Variants in ADD3 observed in about 807,000 individuals in gnomAD.
ADD3 encodes the protein adducin 3, also known as gamma-adducin.
A neutral mutation model predicts 80.2 loss-of-function variants in ADD3; 25 were observed. The observed-to-expected ratio is 0.31, with a 90% CI of 0.23 to 0.44. The LOEUF (loss-of-function observed/expected upper bound fraction) is 0.44. Among genes scored for constraint, ADD3 ranks in the 20% least tolerant of loss-of-function variants. ADD3 has a pLI of 1.00. For synonymous variants in ADD3, 284 were observed against 289.6 expected, an observed-to-expected ratio of 0.98 and a Z score of 0.20; for missense variants, 829 against 847.5, an observed-to-expected ratio of 0.98 and a Z score of 0.27.
At chr10:110,103,693 C>G (rs1460215699) in intron 2 of ADD3, among the ~76,000 whole-genome samples, 1 of 152,132 alleles carries the variant, frequency 6.6e-6, no homozygotes, top group Non-Finnish European at 1.5e-5. Flanking sequence ...ATTGTCCACT[C>G]TCTGGTTACT....
At chr10:110,124,390 G>C (rs1481146979) in intron 10 of ADD3, 116 bp downstream of exon 10, 1 of 1,221,024 alleles carries the variant, frequency 8.2e-7, no homozygotes, top group Non-Finnish European at 1.1e-6. Context: ...AAATATTACT[G>C]TCACTTATCT....
intron 1 of ADD3, among the ~76,000 whole-genome samples, chr10:110,045,667 CATT>C (rs1856834037): frequency 6.6e-6 from 1 of 152,168 alleles, no homozygotes; most frequent in African/African-American, 2.4e-5. Context: ...CTACTTCTAT[CATT>C]TACCACCATA....
At chr10:110,040,184 T>C (rs965418351) in intron 1 of ADD3, among the ~76,000 whole-genome samples, 23 of 143,274 alleles carry the variant, frequency 1.6e-4, no homozygotes, top group African/African-American at 6.1e-4. Flanking sequence ...TTATTATTAT[T>C]TTTTTTTTTC....
chr10:110,045,079 G>A (rs937692340), intron 1 of ADD3, among the ~76,000 whole-genome samples: 1 of 152,240 alleles, frequency 6.6e-6, no homozygotes, highest in Admixed American at 6.5e-5. Context: ...ACCTGGCTGG[G>A]CGTGGTGGCT....
chr10:110,029,996 A>G (rs141601119), intron 1 of ADD3, among the ~76,000 whole-genome samples: 1 of 152,170 alleles, frequency 6.6e-6, no homozygotes, highest in East Asian at 1.9e-4. Flanking sequence ...AATTTTGATG[A>G]TAGCTGACCT....
At chr10:110,013,172 G>A (rs751129853) in intron 1 of ADD3, among the ~76,000 whole-genome samples, 6 of 152,012 alleles carry the variant, frequency 3.9e-5, no homozygotes, top group Non-Finnish European at 7.4e-5. Flanking sequence ...GTGTGACCTC[G>A]GCACACTGCA....
chr10:110,102,420 G>A (rs1848922911), intron 2 of ADD3, among the ~76,000 whole-genome samples: 1 of 152,064 alleles, frequency 6.6e-6, no homozygotes, highest in African/African-American at 2.4e-5. Flanking sequence ...ACGAGCCTGG[G>A]CAACATAGTG....
intron 1 of ADD3, among the ~76,000 whole-genome samples, chr10:110,066,774 T>C (rs1844008968): frequency 6.6e-6 from 1 of 152,234 alleles, no homozygotes; most frequent in Non-Finnish European, 1.5e-5. Context: ...TTGTAAATTT[T>C]AAGCAGCTTA....
At chr10:110,048,310 A>T (rs111963370) in intron 1 of ADD3, among the ~76,000 whole-genome samples, 12,458 of 152,214 alleles carry the variant, frequency 0.082, 1,640 homozygotes, top group African/African-American at 0.28. Context: ...CTTTATCAGC[A>T]GCATGAAAAT....
At chr10:110,010,354 A>G (rs1288493365) in intron 1 of ADD3, among the ~76,000 whole-genome samples, 6 of 152,240 alleles carry the variant, frequency 3.9e-5, no homozygotes, top group Non-Finnish European at 7.3e-5. Flanking sequence ...GCATGTATGC[A>G]TGTCATCAGA....
chr10:110,038,372 G>T (rs551043088), intron 1 of ADD3, among the ~76,000 whole-genome samples: 1 of 152,336 alleles, frequency 6.6e-6, no homozygotes, highest in South Asian at 2.1e-4. Flanking sequence ...TAAGGAAGGA[G>T]AGACCTTGGA....
intron 1 of ADD3, among the ~76,000 whole-genome samples, chr10:110,060,018 G>C (rs1358653781): frequency 6.6e-6 from 1 of 152,180 alleles, no homozygotes; most frequent in East Asian, 1.9e-4. Context: ...ACACAGGCTT[G>C]GTCAAAGGGT....
intron 1 of ADD3, among the ~76,000 whole-genome samples, chr10:110,067,799 G>GT (rs1287746350): frequency 1.3e-5 from 2 of 152,222 alleles, no homozygotes; most frequent in Non-Finnish European, 2.9e-5. Context: ...AAGGTTCTCA[G>GT]TTTTTCATTT....
chr10:110,074,687 A>G (rs1337697082), intron 1 of ADD3, among the ~76,000 whole-genome samples: 1 of 152,068 alleles, frequency 6.6e-6, no homozygotes, highest in African/African-American at 2.4e-5. Flanking sequence ...ATCGCAAGTC[A>G]TTTTATGTAC....
At chr10:110,032,148 A>G (rs1391584058) in intron 1 of ADD3, among the ~76,000 whole-genome samples, 1 of 152,222 alleles carries the variant, frequency 6.6e-6, no homozygotes, top group African/African-American at 2.4e-5. Context: ...AGAGATTTTT[A>G]TAGACAAAGA....
chr10:110,102,987 A>C (rs981766074), intron 2 of ADD3, among the ~76,000 whole-genome samples: 3 of 152,222 alleles, frequency 2.0e-5, no homozygotes, highest in African/African-American at 7.2e-5. Context: ...TTCCCTATTC[A>C]CTTAACGAGA....
At chr10:110,004,058 C>T (rs1198463953), upstream of ADD3, among the ~76,000 whole-genome samples, 6 of 151,732 alleles carry the variant, frequency 4.0e-5, no homozygotes, top group Non-Finnish European at 7.4e-5. Context: ...ATTCAATTTG[C>T]GGGGAGGGGA....
chr10:110,027,056 A>G (rs1854401346), intron 1 of ADD3, among the ~76,000 whole-genome samples: 1 of 152,228 alleles, frequency 6.6e-6, no homozygotes, highest in Admixed American at 6.5e-5. Context: ...TAATTCTTAA[A>G]CAGTAAAGAT....
intron 1 of ADD3, among the ~76,000 whole-genome samples, chr10:110,049,818 C>T (rs1857298629): frequency 6.7e-6 from 1 of 148,658 alleles, no homozygotes; most frequent in Non-Finnish European, 1.5e-5. Context: ...ACCCGGGAGG[C>T]AGAGCTTGCA....
Sources: gnomAD v4.1 joint callset for allele counts (sites outside exome capture counted in the v4.1 genomes callset) on GRCh38, gnomAD v4.1.1 for gene constraint, MANE v1.5 for transcripts, NCBI Gene and HGNC (gene_info 2026-07-23, HGNC 2026-07-21) for gene names.